The following LCP2 variants were observed in gnomAD, a reference collection of about 807,000 sequenced individuals.
LCP2 encodes the protein lymphocyte cytosolic protein 2.
LCP2 carries 29 observed loss-of-function variants against 74.5 expected under a neutral mutation model. The ratio of observed to expected loss-of-function variants is 0.39; its 90% confidence interval spans 0.29 to 0.53. The LOEUF is 0.53. Among genes scored for constraint, LCP2 ranks in the 20% least tolerant of loss-of-function variants. LCP2 has a pLI of 0.72. For synonymous variants in LCP2, 228 were observed against 229.5 expected (o/e 0.99, Z 0.06); for missense variants, 604 against 634.6 (o/e 0.95, Z 0.52).
intron 2 of LCP2, among the ~76,000 whole-genome samples, chr5:170,292,463 A>G (rs1407807697): frequency 6.6e-6 from 1 of 152,142 alleles, no homozygotes; most frequent in East Asian, 1.9e-4. Flanking sequence ...GGAGCTTGTG[A>G]TCTCTCTGGT....
intron 17 of LCP2, among the ~76,000 whole-genome samples, chr5:170,254,754 T>C (rs1212998411): frequency 6.6e-6 from 1 of 152,222 alleles, no homozygotes; most frequent in Non-Finnish European, 1.5e-5. Flanking sequence ...GCCAGCATCA[T>C]AGAGTTCTAA....
intron 6 of LCP2, among the ~76,000 whole-genome samples, chr5:170,271,574 T>G (rs890147551): frequency 1.3e-5 from 2 of 152,158 alleles, no homozygotes; most frequent in African/African-American, 4.8e-5. Flanking sequence ...AAATTTTAGA[T>G]TTTTTATTGT....
intron 3 of LCP2, 99 bp from the exon 4 acceptor site, chr5:170,275,959 C>A: frequency 9.8e-7 from 1 of 1,016,348 alleles, no homozygotes; most frequent in Non-Finnish European, 1.5e-6. Context: ...ACTTGGGGCA[C>A]CAGGGCCAAC....
intron 8 of LCP2, among the ~76,000 whole-genome samples, chr5:170,268,133 C>T (rs1221418379): frequency 1.3e-5 from 2 of 152,130 alleles, no homozygotes; most frequent in Non-Finnish European, 2.9e-5. Context: ...ATTCGGTTCT[C>T]TTTGGGTTTA....
chr5:170,261,389 A>ATGTG (rs1554139945), intron 13 of LCP2, among the ~76,000 whole-genome samples: 1,514 of 146,314 alleles, frequency 0.01, 23 homozygotes, highest in South Asian at 0.055. Flanking sequence ...GCAAATAATT[A>ATGTG]TGTGTGTGTG....
At chr5:170,260,447 T>C (rs979430942) in intron 14 of LCP2, among the ~76,000 whole-genome samples, 5 of 152,258 alleles carry the variant, frequency 3.3e-5, no homozygotes, top group African/African-American at 1.2e-4. Flanking sequence ...TGGCTCTTTA[T>C]AAGCATGCAA....
At position 170,295,367 on chromosome 5, in the gene LCP2, T is replaced by A. The variant is rs200560776; in HGVS notation, c.79-1995A>T. On this transcript the variant is annotated intron_variant, in intron 1 of 20. Transcript: ENST00000046794. Reference sequence around the variant, plus strand: ...GGTAAAAGGGCAGAAGGAACACGCATTAGGATCCATTTGTCTGCTGAGTGC... The same window carrying A: ...GGTAAAAGGGCAGAAGGAACACGCAATAGGATCCATTTGTCTGCTGAGTGC... Among the ~76,000 whole-genome samples, 11 of 152,316 alleles carry A rather than the reference T, an allele frequency of 7.2e-5. No individual in the cohort carries two copies. The East Asian group carries it at 1.7e-3, about 24-fold the overall frequency.
rs746643786 is a variant in LCP2, at chr5:170,266,895, G to A, written c.689-4C>T. 8 of 1,613,512 alleles carry A rather than the reference G, an allele frequency of 5.0e-6. No homozygotes were observed. The highest frequency in any genetic ancestry group is 6.8e-6 in the Non-Finnish European group (8 of 1,179,532). ...CTGTCTATTGAAGGAGCAGGGACTG[G>A]AAGGGGAAAAGGCTGACATCAATTA... is the stretch of plus-strand genomic sequence containing the variant. On this transcript the variant is annotated splice_region_variant and splice_polypyrimidine_tract_variant and intron_variant, in intron 9 of 20. Transcript: ENST00000046794.
chr5:170,295,363 C>T (rs767440998), intron 1 of LCP2, among the ~76,000 whole-genome samples: 18 of 152,232 alleles, frequency 1.2e-4, no homozygotes, highest in African/African-American at 4.3e-4. Context: ...AGAAGGAACA[C>T]GCATTAGGAT....
Position 170,266,838 on chromosome 5 carries a change from C to A in LCP2, c.742G>T (p.Ala248Ser). The change falls in exon 10 of 21, where the codon GCT (alanine) becomes TCT (serine). Residue 248 changes from alanine to serine, a missense_variant. Transcript: ENST00000046794. ...STKPPLDRSL[A>S]PFDREPFTLG... ...GTGAAGGGTTCTCTATCAAACGGAG[C>A]TAATGAACGATCTAGGGGAGGTTTC... 6.2e-7 allele frequency: 1 copy of A among 1,613,896 alleles called. No homozygotes were observed. The highest frequency in any genetic ancestry group is 1.3e-5 in the African/African-American group (1 of 75,010).
At chr5:170,289,617 T>TTTCTTTC (rs1762243700) in intron 2 of LCP2, among the ~76,000 whole-genome samples, 4 of 122,136 alleles carry the variant, frequency 3.3e-5, no homozygotes, top group African/African-American at 1.3e-4. Context: ...CTTTCTTTCT[T>TTTCTTTC]TTTCTTTCTT....
At chr5:170,296,430 G>A (rs1762386299) in intron 1 of LCP2, among the ~76,000 whole-genome samples, 1 of 152,156 alleles carries the variant, frequency 6.6e-6, no homozygotes, top group East Asian at 1.9e-4. Flanking sequence ...ATAGACCCCA[G>A]GTTTGGCTAT....
chr5:170,256,127 C>T lies in LCP2; in HGVS notation c.1150+399G>A, dbSNP rs572409331. Among the ~76,000 whole-genome samples the T allele has an allele frequency of 6.6e-6, 1 of 152,098 alleles. No individual in the cohort carries two copies. The highest frequency in any genetic ancestry group is 1.5e-5 in the Non-Finnish European group (1 of 68,008). ...TGCACAGGAAGATTGGGGATGAGGG[C>T]TGGCTTCCTGGTGAAGTGTGTGTAG... On this transcript the variant is annotated intron_variant, in intron 17 of 20. Transcript: ENST00000046794. This position sits in a 1 kb window ranked among gnomAD's most constrained non-coding sequence, Gnocchi z 4.5.
intron 3 of LCP2, among the ~76,000 whole-genome samples, chr5:170,279,878 T>C (rs1762071326): frequency 6.6e-6 from 1 of 151,338 alleles, no homozygotes; most frequent in Non-Finnish European, 1.5e-5. Context: ...GCCCTACTAG[T>C]GGGTCTAGAA....
chr5:170,276,973 G>A (rs1762017319), intron 3 of LCP2, among the ~76,000 whole-genome samples: 1 of 150,702 alleles, frequency 6.6e-6, no homozygotes, highest in Admixed American at 6.6e-5. Context: ...CTACTTGGGA[G>A]ACTGAGGCAG....
Position 170,248,837 on chromosome 5 carries a change from G to C in LCP2, c.1480-18C>G, listed in dbSNP as rs1034122430. 1 of 1,610,520 alleles carries C rather than the reference G, an allele frequency of 6.2e-7. No individual in the cohort carries two copies. The highest frequency in any genetic ancestry group is 8.5e-7 in the Non-Finnish European group (1 of 1,177,922). On this transcript the variant is annotated intron_variant, in intron 20 of 20. Coordinates refer to ENST00000046794, the MANE Select transcript of LCP2 (RefSeq NM_005565.5). Reference sequence around the variant, plus strand: ...AGAAAGTCCTGAAAGAGTCAAGATAGGGAGATGAGTCAACATTGGAATGAA... The same window carrying C: ...AGAAAGTCCTGAAAGAGTCAAGATACGGAGATGAGTCAACATTGGAATGAA...
chr5:170,282,537 C>T (rs1000255388), intron 3 of LCP2, among the ~76,000 whole-genome samples: 2 of 152,200 alleles, frequency 1.3e-5, no homozygotes, highest in Non-Finnish European at 2.9e-5. Flanking sequence ...GCCTGGATCT[C>T]CCTCACTCCA....
chr5:170,275,952 T>C, intron 3 of LCP2, 92 bp from the exon 4 acceptor site: 1 of 1,188,198 alleles, frequency 8.4e-7, no homozygotes. Flanking sequence ...TATAGAAACT[T>C]GGGGCACCAG....
Position 170,287,963 on chromosome 5 carries a change from T to G in LCP2, c.188+7A>C. Reference sequence around the variant, plus strand: ...CAGATCACCCATAGAGTTGGAGGAGTACTTACGGCACCCGGAGCTTGGGGA... The same window carrying G: ...CAGATCACCCATAGAGTTGGAGGAGGACTTACGGCACCCGGAGCTTGGGGA... On this transcript the variant is annotated splice_region_variant and intron_variant, in intron 3 of 20. Coordinates refer to ENST00000046794, the MANE Select transcript of LCP2 (RefSeq NM_005565.5). The G allele has an allele frequency of 1.9e-6, 3 of 1,613,318 alleles. No individual in the cohort carries two copies. Among genetic ancestry groups the G allele is most frequent in the Non-Finnish European group, 2.5e-6 (3 of 1,179,510 alleles).
Sources: gnomAD v4.1 joint callset for allele counts (sites outside exome capture counted in the v4.1 genomes callset) on GRCh38, gnomAD v4.1.1 for gene constraint, Gnocchi (gnomAD v3.1) non-coding constraint, MANE v1.5 for transcripts, NCBI Gene and HGNC (gene_info 2026-07-23, HGNC 2026-07-21) for gene names.